Variants in TRPM4 observed in about 807,000 individuals in gnomAD.
The protein encoded by TRPM4 is transient receptor potential cation channel subfamily M member 4, also known as calcium-activated non-selective cation channel 1.
TRPM4 carries 124 observed loss-of-function variants against 135.6 expected under a neutral mutation model. The ratio of observed to expected loss-of-function variants is 0.91; its 90% CI spans 0.79 to 1.06. The LOEUF (loss-of-function observed/expected upper bound fraction) is 1.06. Ranked by LOEUF, TRPM4 falls within the 50% of genes least tolerant of loss-of-function variation. The probability of loss-of-function intolerance (pLI) is 0.00; values close to 1 mark genes in which losing one functional copy is unlikely to be tolerated. For synonymous variants in TRPM4, 745 were observed against 705.6 expected (o/e 1.06, Z -0.88); for missense variants, 1,658 against 1,671.4 (o/e 0.99, Z 0.14).
At chr19:49,199,252 GGTTTTT>G (rs67547335) in intron 17 of TRPM4, among the ~76,000 whole-genome samples, 41,973 of 147,696 alleles carry the variant, frequency 0.28, 5,888 homozygotes, top group South Asian at 0.36. Flanking sequence ...TTTTTTTTTT[GGTTTTT>G]GTTTTTGTTT....
rs372317201 is a variant in TRPM4, at chr19:49,210,764, A to C, written c.3383A>C (p.His1128Pro). The change falls in exon 22 of 25, where the codon CAT (histidine) becomes CCT (proline). Residue 1128 changes from histidine to proline, a missense_variant. By Grantham distance (77) the His-to-Pro change is moderately conservative. Around this residue, in one of 3 missense-constraint regions of TRPM4, gnomAD observed 1,412 missense variants for 1,408.7 expected, o/e 1.00. Coordinates refer to ENST00000252826, the MANE Select transcript of TRPM4 (RefSeq NM_017636.4). The surrounding 1 kb of genome is among the most constrained non-coding windows in gnomAD (Gnocchi z 4.1). ...AAGCTGCTAACGTGGGAATCGGTGC[A>C]TAAGGAGAACTTTCTGCTGGCACGC... is the stretch of plus-strand genomic sequence containing the variant. ...ERKLLTWESV[H>P]KENFLLARAR... The C allele has an allele frequency of 9.9e-6, 16 of 1,614,136 alleles. No individual in the cohort carries two copies. Among genetic ancestry groups the C allele is most frequent in the Non-Finnish European group, 1.4e-5 (16 of 1,180,040 alleles).
At position 49,183,180 on chromosome 19, in the gene TRPM4, A is replaced by C. The variant is rs1568472745; in HGVS notation, c.1711A>C (p.Arg571=). The C allele has an allele frequency of 5.6e-6, 9 of 1,614,146 alleles. No homozygotes were observed. The highest frequency in any genetic ancestry group is 7.6e-6 in the Non-Finnish European group (9 of 1,180,020). ...GCTTCTTTGGGCACTGTTGCTGAAC[A>C]GGGCACAGATGGCCATGTACTTCTG... ...DLLLWALLLN[R]AQMAMYFWEM... is the part of the protein sequence containing the mutation. Residue 571 remains arginine, a synonymous_variant, in exon 12 of 25, where the codon AGG becomes CGG. Coordinates refer to ENST00000252826, the MANE Select transcript of TRPM4 (RefSeq NM_017636.4).
rs962975216 is a variant in TRPM4, at chr19:49,210,855, C to T, written c.3461+13C>T. 12 of 1,605,558 alleles carry T rather than the reference C, an allele frequency of 7.5e-6. No homozygotes were observed. The African/African-American group carries it at 1.3e-4, about 18-fold the overall frequency. On this transcript the variant is annotated intron_variant, in intron 22 of 24. Coordinates refer to ENST00000252826, the MANE Select transcript of TRPM4 (RefSeq NM_017636.4). This position sits in a 1 kb window ranked among gnomAD's most constrained non-coding sequence, Gnocchi z 4.1. ...GCACGTCCCAGAAGTGAGAGCGGGGCCTGGTCGGGGATGGGGCTTCTGGCC... is the reference window on the plus strand; with the variant it reads ...GCACGTCCCAGAAGTGAGAGCGGGGTCTGGTCGGGGATGGGGCTTCTGGCC...
intron 9 of TRPM4, among the ~76,000 whole-genome samples, chr19:49,174,905 T>A (rs1967617828): frequency 1.3e-5 from 2 of 150,756 alleles, no homozygotes; most frequent in South Asian, 4.2e-4. Flanking sequence ...CAGAAGAACT[T>A]TTTTCTTTTT....
Position 49,196,694 on chromosome 19 carries a change from T to C in TRPM4, c.2465T>C (p.Phe822Ser), listed in dbSNP as rs1191180094. The C allele has an allele frequency of 1.3e-6, 2 of 1,551,400 alleles. No homozygotes were observed. Among genetic ancestry groups the C allele is most frequent in the South Asian group, 1.2e-5 (1 of 84,940 alleles). Reference protein sequence around the residue: ...SLELLLYFWAFTLLCEELRQG... With the variant: ...SLELLLYFWASTLLCEELRQG... ...GAGCTGCTGCTCTATTTCTGGGCTT[T>C]CACGCTGCTGTGCGAGGAACTGCGC... Residue 822 changes from phenylalanine to serine, a missense_variant, in exon 17 of 25, where the codon TTC becomes TCC. Physicochemically the swap from Phe to Ser is radical, Grantham distance 155 (BLOSUM62 -2). Around this residue, in one of 3 missense-constraint regions of TRPM4, gnomAD observed 1,412 missense variants for 1,408.7 expected, o/e 1.00. Transcript: ENST00000252826.
intron 12 of TRPM4, among the ~76,000 whole-genome samples, chr19:49,188,082 C>T (rs1968264905): frequency 6.6e-6 from 1 of 152,150 alleles, no homozygotes; most frequent in Non-Finnish European, 1.5e-5. Flanking sequence ...TTTGTTAGTC[C>T]TGCAAAGGTA....
rs1300292117 is a variant in TRPM4 at position 49,196,506 on chromosome 19, CG to C, written c.2282del (p.Gly761AlafsTer20). The C allele has an allele frequency of 4.6e-6, 7 of 1,534,498 alleles. No homozygotes were observed. The highest frequency in any genetic ancestry group is 1.8e-5 in the African/African-American group (1 of 56,174). ...GCCAGTCGGGCCGTCCGGGTTGCTG[CG>C]GGGGCCGCTGCGGGGGGCGCCGGTG... is the stretch of plus-strand genomic sequence containing the variant. ...PRQSGRPGCC[G>X]GRCGGRRCLR... On this transcript the variant is annotated frameshift_variant, in exon 17 of 25. Coordinates refer to ENST00000252826, the MANE Select transcript of TRPM4 (RefSeq NM_017636.4). LOFTEE classifies it high-confidence loss of function.
chr19:49,199,063 G>C (rs34639121), intron 17 of TRPM4, among the ~76,000 whole-genome samples: 40,502 of 151,860 alleles, frequency 0.27, 5,808 homozygotes, highest in South Asian at 0.37. Flanking sequence ...TTGAGGCCAT[G>C]CTCGACAATG....
chr19:49,198,409 G>A (rs1968779155), intron 17 of TRPM4, among the ~76,000 whole-genome samples: 1 of 152,112 alleles, frequency 6.6e-6, no homozygotes, highest in Admixed American at 6.6e-5. Flanking sequence ...CACTTTGGGA[G>A]GCCGAGGCGG....
At chr19:49,206,914 T>G (rs1432984478) in intron 20 of TRPM4, among the ~76,000 whole-genome samples, 1 of 152,242 alleles carries the variant, frequency 6.6e-6, no homozygotes, top group East Asian at 1.9e-4. Context: ...CTTTAGATAC[T>G]GTTGTAAGTG....
chr19:49,200,506 G>A, intron 18 of TRPM4, 74 bp downstream of exon 18: 1 of 1,593,542 alleles, frequency 6.3e-7, no homozygotes, highest in Non-Finnish European at 8.5e-7. Flanking sequence ...GTGGTCCGTG[G>A]AGAAGGGGCG....
At chr19:49,209,080 T>G (rs1969255649) in intron 20 of TRPM4, among the ~76,000 whole-genome samples, 1 of 152,214 alleles carries the variant, frequency 6.6e-6, no homozygotes, top group Admixed American at 6.5e-5. Context: ...TTGCATTAAT[T>G]TTTGTATGTT....
Position 49,196,812 on chromosome 19 carries a change from C to A in TRPM4, c.2583C>A (p.Ala861=). 6.3e-7 allele frequency: 1 copy of A among 1,588,662 alleles called. No homozygotes were observed. The highest frequency in any genetic ancestry group is 1.3e-5 in the African/African-American group (1 of 74,682). ...GCCAGCGCCTGCGCCTCTACCTCGC[C>A]GACAGCTGGAACCAGTGCGACCTAG... The part of the protein sequence containing the change: ...SLSQRLRLYL[A]DSWNQCDLVA... Residue 861 remains alanine (A), a synonymous_variant, in exon 17 of 25, where the codon GCC becomes GCA. Transcript: ENST00000252826.
At chr19:49,190,118 A>T in intron 14 of TRPM4, 90 bp from the exon 15 acceptor site, 1 of 1,057,170 alleles carries the variant, frequency 9.5e-7, no homozygotes, top group Non-Finnish European at 1.5e-6. Context: ...CTTGCTCTGT[A>T]CTCTGGAGCT....
chr19:49,157,919 C>G, intron 1 of TRPM4, 29 bp downstream of exon 1: 2 of 1,534,780 alleles, frequency 1.3e-6, no homozygotes, highest in Middle Eastern at 1.9e-4. Flanking sequence ...TCTGCGGGAG[C>G]GCGGAGCTGG....
At chr19:49,190,148 G>T in intron 14 of TRPM4, 60 bp from the exon 15 acceptor site, 2 of 1,421,706 alleles carry the variant, frequency 1.4e-6, no homozygotes, top group Non-Finnish European at 9.9e-7. Flanking sequence ...CCCTTGCTGG[G>T]CGTCTTAGGG....
In TRPM4 at chr19:49,210,774, C is replaced by G. The variant is rs1352568609; in HGVS notation, c.3393C>G (p.Asn1131Lys). 2.5e-6 allele frequency: 4 copies of G among 1,613,984 alleles called. No homozygotes were observed. The African/African-American group carries it at 5.3e-5, about 22-fold the overall frequency. Residue 1131 changes from asparagine (N) to lysine (K), a missense_variant, in exon 22 of 25, where the codon AAC (asparagine) becomes AAG (lysine). Around this residue, in one of 3 missense-constraint regions of TRPM4, gnomAD observed 1,412 missense variants for 1,408.7 expected, o/e 1.00. Coordinates refer to ENST00000252826, the MANE Select transcript of TRPM4 (RefSeq NM_017636.4). The surrounding 1 kb of genome is among the most constrained non-coding windows in gnomAD (Gnocchi z 4.1). ...CGTGGGAATCGGTGCATAAGGAGAA[C>G]TTTCTGCTGGCACGCGCTAGGGACA... ...LLTWESVHKE[N>K]FLLARARDKR...
chr19:49,171,593 A>G lies in TRPM4; in HGVS notation c.874A>G (p.Thr292Ala). ...EKMLTRIENA[T>A]QAQLPCLLVA... ...TATCCTGTAGCGAATAGAGAACGCC[A>G]CCCAGGCTCAGCTCCCATGTCTCCT... is the stretch of plus-strand genomic sequence containing the variant. The change falls in exon 8 of 25, where the codon ACC (threonine) becomes GCC (alanine). Residue 292 changes from threonine (T) to alanine (A), a missense_variant. Physicochemically the swap from Thr to Ala is moderately conservative, Grantham distance 58. Transcript: ENST00000252826. The surrounding 1 kb of genome is among the most constrained non-coding windows in gnomAD (Gnocchi z 4.7). 1 of 1,614,002 alleles carries G rather than the reference A, an allele frequency of 6.2e-7. No individual in the cohort carries two copies. Among genetic ancestry groups the G allele is most frequent in the Non-Finnish European group, 8.5e-7 (1 of 1,180,012 alleles).
At chr19:49,178,886 G>A (rs972002289) in intron 9 of TRPM4, among the ~76,000 whole-genome samples, 1 of 151,568 alleles carries the variant, frequency 6.6e-6, no homozygotes, top group South Asian at 2.1e-4. Context: ...AGCCTCCTGA[G>A]TAGCTGGCAC....
Sources: allele counts gnomAD v4.1 joint callset (sites outside exome capture counted in the v4.1 genomes callset), GRCh38; gene constraint gnomAD v4.1.1; regional missense constraint gnomAD v4.1.1; non-coding constraint Gnocchi (gnomAD v3.1); transcripts MANE v1.5; gene names NCBI Gene and HGNC (gene_info 2026-07-23, HGNC 2026-07-21).